ANKRD33B: variants seen among roughly 807,000 people sequenced by gnomAD.
The protein encoded by ANKRD33B is ankyrin repeat domain 33B, also known as ankyrin repeat domain-containing protein 33B.
ANKRD33B carries 6 observed loss-of-function variants against 21.5 expected under a neutral mutation model. The observed-to-expected ratio is 0.28, with a 90% CI of 0.15 to 0.55. The LOEUF (loss-of-function observed/expected upper bound fraction) is 0.55, where lower values mean the gene tolerates loss of function less well. Ranked by LOEUF, ANKRD33B falls within the 20% of genes least tolerant of loss-of-function variation. The pLI is 0.94. For synonymous variants in ANKRD33B, 347 were observed against 342.4 expected (o/e 1.01, Z -0.15); for missense variants, 698 against 747.2 (o/e 0.93, Z 0.77).
chr5:10,591,323 G>T (rs1735686301), intron 1 of ANKRD33B, among the ~76,000 whole-genome samples: 1 of 151,124 alleles, frequency 6.6e-6, no homozygotes, highest in African/African-American at 2.4e-5. Flanking sequence ...CTCCTGAGTA[G>T]CTGGGACAAC....
intron 1 of ANKRD33B, among the ~76,000 whole-genome samples, chr5:10,581,453 C>T (rs1233712126): frequency 1.3e-5 from 2 of 152,208 alleles, no homozygotes; most frequent in Non-Finnish European, 2.9e-5. Context: ...TACCCTGGAT[C>T]CGGGAGCCTC....
At chr5:10,604,188 G>GACCAAAA in intron 1 of ANKRD33B, among the ~76,000 whole-genome samples, 1 of 133,300 alleles carries the variant, frequency 7.5e-6, no homozygotes. Flanking sequence ...CACCGCGCCT[G>GACCAAAA]GCTTTTTTTT....
chr5:10,641,172 T>C (rs1267631297), intron 3 of ANKRD33B, among the ~76,000 whole-genome samples: 2 of 151,700 alleles, frequency 1.3e-5, no homozygotes, highest in African/African-American at 4.8e-5. Flanking sequence ...CCTGCTGGGC[T>C]CCCACATTTA....
chr5:10,645,240 T>C (rs1250579062), intron 3 of ANKRD33B, among the ~76,000 whole-genome samples: 1 of 151,862 alleles, frequency 6.6e-6, no homozygotes, highest in East Asian at 1.9e-4. Flanking sequence ...TCCACAGTGG[T>C]CTCCTGTGGC....
intron 3 of ANKRD33B, among the ~76,000 whole-genome samples, chr5:10,648,652 G>A (rs892724679): frequency 9.8e-5 from 15 of 152,344 alleles, no homozygotes; most frequent in African/African-American, 3.4e-4. Context: ...CCAGCTACTC[G>A]GGAGGCTGAG....
At chr5:10,616,564 CAA>C (rs56895208) in intron 1 of ANKRD33B, among the ~76,000 whole-genome samples, 1 of 117,580 alleles carries the variant, frequency 8.5e-6, no homozygotes, top group African/African-American at 3.5e-5. Context: ...AACTCTGTCT[CAA>C]AAAAAAAAAA....
At chr5:10,571,185 T>C (rs578133288) in intron 1 of ANKRD33B, among the ~76,000 whole-genome samples, 2 of 152,134 alleles carry the variant, frequency 1.3e-5, no homozygotes, top group African/African-American at 2.4e-5. Context: ...TGAGTACTTA[T>C]TTTAAAATCT....
In ANKRD33B at chr5:10,619,806, C is replaced by G. The variant is rs1736375635; in HGVS notation, c.496+1344C>G. 6.6e-6 allele frequency among the ~76,000 whole-genome samples: 1 copy of G among 152,168 alleles called. No homozygotes were observed. The highest frequency in any genetic ancestry group is 2.4e-5 in the African/African-American group (1 of 41,456). ...CCAAGGATACAGAAGTGCAGGGCAG[C>G]CCCGTCCTTGAGTAATTCTGCAGCT... On this transcript the variant is annotated intron_variant, in intron 2 of 3. Transcript: ENST00000296657. The surrounding 1 kb of genome is among the most constrained non-coding windows in gnomAD (Gnocchi z 4.5).
chr5:10,567,829 G>A (rs1434553323), intron 1 of ANKRD33B, among the ~76,000 whole-genome samples: 1 of 152,176 alleles, frequency 6.6e-6, no homozygotes, highest in African/African-American at 2.4e-5. Flanking sequence ...CATGATTAGT[G>A]GCAGTGAAAA....
chr5:10,605,559 G>T (rs930580692), intron 1 of ANKRD33B, among the ~76,000 whole-genome samples: 26 of 146,260 alleles, frequency 1.8e-4, no homozygotes, highest in Admixed American at 5.6e-4. Flanking sequence ...GTGGAGTTTT[G>T]TTGTTGTTGC....
rs1737424088 is a variant in ANKRD33B at position 10,654,087 on chromosome 5, C to CTA, written c.*3975_*3976dup. The stretch of plus-strand genomic sequence containing the variant: ...TTGATCATCCCTGGCACCACCTACC[C>CTA]TAAGGTCTTCCAAGAACAGAAAAGC... On this transcript the variant is annotated 3_prime_UTR_variant, in exon 4 of 4. Coordinates refer to ENST00000296657, the MANE Select transcript of ANKRD33B (RefSeq NM_001164440.2). The CTA allele has an allele frequency of 6.6e-6, 1 of 152,616 alleles. No homozygotes were observed. Among genetic ancestry groups the CTA allele is most frequent in the Admixed American group, 6.5e-5 (1 of 15,290 alleles). The allele number at this position is 152,616 out of a possible 1,614,324, so 9.5% of individuals were successfully genotyped here. A position where few individuals can be genotyped will look rare whatever the true frequency, so the allele number is the denominator to read the frequency against.
At chr5:10,565,578 GC>G (rs1735030694) in intron 1 of ANKRD33B, among the ~76,000 whole-genome samples, 3 of 152,378 alleles carry the variant, frequency 2.0e-5, no homozygotes, top group Admixed American at 2.0e-4. Context: ...GTGGAGGCAG[GC>G]ACAGGCTATC....
At chr5:10,564,855 A>G (rs1330096115) in intron 1 of ANKRD33B, 22 bp downstream of exon 1, 2 of 1,477,144 alleles carry the variant, frequency 1.4e-6, no homozygotes, top group Non-Finnish European at 1.8e-6. Context: ...TCCCCGCAGG[A>G]TTTGAGCCCC....
chr5:10,570,609 G>A (rs1024783557), intron 1 of ANKRD33B, among the ~76,000 whole-genome samples: 2 of 152,088 alleles, frequency 1.3e-5, no homozygotes, highest in East Asian at 3.8e-4. Context: ...CCAGGCTGGA[G>A]TACAGTGGCA....
At chr5:10,594,182 A>G (rs58360684) in intron 1 of ANKRD33B, among the ~76,000 whole-genome samples, 17,295 of 150,198 alleles carry the variant, frequency 0.12, 1,632 homozygotes, top group African/African-American at 0.26. Flanking sequence ...TTGATCTCCA[A>G]TACTGCAGAA....
At chr5:10,604,512 A>G (rs918180020) in intron 1 of ANKRD33B, among the ~76,000 whole-genome samples, 5 of 147,074 alleles carry the variant, frequency 3.4e-5, no homozygotes, top group Non-Finnish European at 7.5e-5. Flanking sequence ...ACCTTTTTGA[A>G]AAAAAAAAAA....
At chr5:10,570,767 C>G (rs940191893) in intron 1 of ANKRD33B, among the ~76,000 whole-genome samples, 4 of 152,108 alleles carry the variant, frequency 2.6e-5, no homozygotes, top group Non-Finnish European at 4.4e-5. Context: ...CTATGTTGCC[C>G]AGGCTGGTCT....
intron 2 of ANKRD33B, among the ~76,000 whole-genome samples, chr5:10,625,419 G>A (rs16885035): frequency 0.023 from 3,469 of 152,224 alleles, 59 homozygotes; most frequent in African/African-American, 0.044. Flanking sequence ...ATGTATGTGC[G>A]CTTTGTATTC....
At position 10,650,047 on chromosome 5, in the gene ANKRD33B, C is replaced by G; in HGVS notation, c.1419C>G (p.Ala473=). 4.6e-6 allele frequency: 7 copies of G among 1,531,046 alleles called. No individual in the cohort carries two copies. Among genetic ancestry groups the G allele is most frequent in the Non-Finnish European group, 6.1e-6 (7 of 1,143,658 alleles). The allele number at this position is 1,531,046 out of a possible 1,614,324, so 94.8% of individuals were successfully genotyped here. A position where few individuals can be genotyped will look rare whatever the true frequency, so the allele number is the denominator to read the frequency against. Residue 473 remains alanine (A), a synonymous_variant, in exon 4 of 4, where the codon GCC becomes GCG. Coordinates refer to ENST00000296657, the MANE Select transcript of ANKRD33B (RefSeq NM_001164440.2). The part of the protein sequence containing the change: ...AKEEKRKAEE[A]EKKRQAEAQK... ...AGGAGAAGAGGAAGGCAGAGGAGGC[C>G]GAAAAGAAGCGCCAGGCCGAGGCGC... is the stretch of plus-strand genomic sequence containing the variant.
Sources: gnomAD v4.1 joint callset for allele counts (sites outside exome capture counted in the v4.1 genomes callset) on GRCh38, gnomAD v4.1.1 for gene constraint, Gnocchi (gnomAD v3.1) non-coding constraint, MANE v1.5 for transcripts, NCBI Gene and HGNC (gene_info 2026-07-23, HGNC 2026-07-21) for gene names.